Variants in CHIC1 observed in about 807,000 individuals in gnomAD.
CHIC1 encodes cysteine-rich hydrophobic domain-containing protein 1.
CHIC1 carries 7 observed loss-of-function variants against 18.5 expected under a neutral mutation model. That is an observed-to-expected ratio of 0.38 (90% CI 0.22 to 0.71). CHIC1 has a LOEUF of 0.71. Ranked by LOEUF, CHIC1 falls within the 30% of genes least tolerant of loss-of-function variation. The probability of loss-of-function intolerance (pLI) is 0.49; values close to 1 mark genes in which losing one functional copy is unlikely to be tolerated. For missense variants in CHIC1, 159 were observed against 176.9 expected, an observed-to-expected ratio of 0.90 and a Z score of 0.57; for synonymous variants, 77 against 73.5, an observed-to-expected ratio of 1.05 and a Z score of -0.25.
intron 3 of CHIC1, among the ~76,000 whole-genome samples, chrX:73,594,168 TTTG>T (rs763693953): frequency 8.2e-5 from 9 of 109,565 alleles, no homozygotes; most frequent in Non-Finnish European, 1.5e-4. Context: ...TTTGTTTTGT[TTTG>T]TTTTGTTTTG....
intron 3 of CHIC1, among the ~76,000 whole-genome samples, chrX:73,638,227 G>T (rs2057839481): frequency 9.0e-6 from 1 of 111,439 alleles, no homozygotes; most frequent in Non-Finnish European, 1.9e-5. Flanking sequence ...GTAATCTCTT[G>T]CCCTAGCCTT....
At chrX:73,626,199 C>T (rs923331207) in intron 3 of CHIC1, among the ~76,000 whole-genome samples, 5 of 111,661 alleles carry the variant, frequency 4.5e-5, no homozygotes, top group Non-Finnish European at 9.4e-5. Context: ...ATGTTGTTTC[C>T]TCTGTCTTGC....
chrX:73,614,761 G>C (rs191986829), intron 3 of CHIC1, among the ~76,000 whole-genome samples: 234 of 109,598 alleles, frequency 2.1e-3, no homozygotes, highest in African/African-American at 7.4e-3. Context: ...TTCTTATTCG[G>C]ATACCCAATT....
At chrX:73,611,265 C>T (rs1472982652) in intron 3 of CHIC1, among the ~76,000 whole-genome samples, 13 of 107,750 alleles carry the variant, frequency 1.2e-4, no homozygotes, top group African/African-American at 4.4e-4. Context: ...TGAGAACATG[C>T]GGTGTTTGGT....
At chrX:73,608,414 A>G (rs1398705567) in intron 3 of CHIC1, among the ~76,000 whole-genome samples, 4 of 106,925 alleles carry the variant, frequency 3.7e-5, no homozygotes, top group Non-Finnish European at 5.7e-5. Flanking sequence ...GAATTTTAGG[A>G]TTTTTTTTAT....
At chrX:73,641,308 G>A (rs771023812) in intron 3 of CHIC1, among the ~76,000 whole-genome samples, 9 of 110,393 alleles carry the variant, frequency 8.2e-5, no homozygotes, top group South Asian at 3.9e-4. Context: ...AATGTATGTC[G>A]CATTGTTTTG....
At chrX:73,659,124 G>C (rs2057966393) in intron 3 of CHIC1, among the ~76,000 whole-genome samples, 1 of 111,802 alleles carries the variant, frequency 8.9e-6, no homozygotes, top group South Asian at 3.7e-4. Flanking sequence ...CCTGGAGAGA[G>C]CAGCACTGCA....
chrX:73,651,965 A>C lies in CHIC1; in HGVS notation c.508-27361A>C, dbSNP rs139012646. ...AAGCAAAAAGAACAAAGCTGGAGGC[A>C]TCACACTACCTGACTTTAAACTGTA... On this transcript the variant is annotated intron_variant, in intron 3 of 5. Coordinates refer to ENST00000373502, the MANE Select transcript of CHIC1 (RefSeq NM_001039840.4). Among the ~76,000 whole-genome samples, 1,005 of 112,301 alleles carry C rather than the reference A, an allele frequency of 8.9e-3. 5 individuals carry two copies. Among genetic ancestry groups the C allele is most frequent in the Non-Finnish European group, 0.013 (670 of 53,271 alleles).
intron 3 of CHIC1, among the ~76,000 whole-genome samples, chrX:73,590,826 T>C (rs758493045): frequency 1.8e-5 from 2 of 111,783 alleles, no homozygotes; most frequent in Admixed American, 1.9e-4. Flanking sequence ...TATTCCAGTT[T>C]TGAGATTTGC....
At chrX:73,612,688 A>G (rs2057714688) in intron 3 of CHIC1, among the ~76,000 whole-genome samples, 1 of 111,790 alleles carries the variant, frequency 8.9e-6, no homozygotes, top group South Asian at 3.7e-4. Flanking sequence ...TAGAATTTTG[A>G]GTTTTTAAAA....
intron 3 of CHIC1, among the ~76,000 whole-genome samples, chrX:73,667,454 A>G (rs1358218459): frequency 9.0e-6 from 1 of 111,653 alleles, no homozygotes; most frequent in African/African-American, 3.3e-5. Context: ...TCACTGGTCT[A>G]TGTACTTAAG....
chrX:73,653,624 T>C (rs2057928442), intron 3 of CHIC1, among the ~76,000 whole-genome samples: 1 of 112,416 alleles, frequency 8.9e-6, no homozygotes, highest in Non-Finnish European at 1.9e-5. Context: ...TGGGAATGCA[T>C]TGAATTTGTA....
intron 2 of CHIC1, among the ~76,000 whole-genome samples, chrX:73,580,099 A>G (rs1426949074): frequency 9.1e-6 from 1 of 110,475 alleles, no homozygotes; most frequent in Non-Finnish European, 1.9e-5. Flanking sequence ...CATTTTCAAA[A>G]TTGGCCAATT....
At chrX:73,586,991 A>G (rs1057509169) in intron 3 of CHIC1, among the ~76,000 whole-genome samples, 1 of 112,025 alleles carries the variant, frequency 8.9e-6, no homozygotes, top group South Asian at 3.7e-4. Flanking sequence ...ATGAGTGAGC[A>G]TTACTGTGTT....
chrX:73,659,858 TG>T (rs1357464995), intron 3 of CHIC1, among the ~76,000 whole-genome samples: 73 of 111,752 alleles, frequency 6.5e-4, no homozygotes, highest in African/African-American at 2.2e-3. Flanking sequence ...GGACTCTACT[TG>T]GGGTCTGGGA....
At chrX:73,613,461 A>C (rs1018913841) in intron 3 of CHIC1, among the ~76,000 whole-genome samples, 1 of 110,856 alleles carries the variant, frequency 9.0e-6, no homozygotes, top group Non-Finnish European at 1.9e-5. Context: ...CTCTCTTATC[A>C]TATGATTTGT....
intron 1 of CHIC1, among the ~76,000 whole-genome samples, chrX:73,567,571 C>G (rs1268301150): frequency 1.8e-5 from 2 of 111,178 alleles, no homozygotes; most frequent in Non-Finnish European, 3.8e-5. Context: ...TGCCTTCATC[C>G]TTGTCATCCT....
rs1458943629 is a variant in CHIC1, at chrX:73,683,569, A to G, written c.*2564A>G. ...TGTAATTTTCCATTAGGTTAGTAACATACTTTTGTGAAAGTTGTTTTTAGA... is the reference window on the plus strand; with the variant it reads ...TGTAATTTTCCATTAGGTTAGTAACGTACTTTTGTGAAAGTTGTTTTTAGA... On this transcript the variant is annotated 3_prime_UTR_variant, in exon 6 of 6. Coordinates refer to ENST00000373502, the MANE Select transcript of CHIC1 (RefSeq NM_001039840.4). The G allele has an allele frequency of 8.9e-6, 1 of 111,839 alleles. No individual in the cohort carries two copies. The highest frequency in any genetic ancestry group is 2.8e-4 in the East Asian group (1 of 3,569). The allele number at this position is 111,839 out of a possible 1,213,427, so 9.2% of individuals were successfully genotyped here.
intron 2 of CHIC1, among the ~76,000 whole-genome samples, chrX:73,581,449 A>G (rs1018750569): frequency 1.8e-5 from 2 of 110,870 alleles, no homozygotes; most frequent in South Asian, 3.7e-4. Context: ...TATGAAAGTA[A>G]ATGAGTAAAA....
Sources: gnomAD v4.1 joint callset for allele counts (sites outside exome capture counted in the v4.1 genomes callset) on GRCh38, gnomAD v4.1.1 for gene constraint, MANE v1.5 for transcripts, NCBI Gene and HGNC (gene_info 2026-07-23, HGNC 2026-07-21) for gene names.